The following OVOL2 variants were observed in gnomAD, a reference collection of about 807,000 sequenced individuals.
OVOL2 encodes the protein transcription factor Ovo-like 2.
OVOL2 carries 13 observed loss-of-function variants against 18.1 expected under a neutral mutation model. The observed-to-expected ratio is 0.72, with a 90% CI of 0.47 to 1.14. The LOEUF (loss-of-function observed/expected upper bound fraction) is 1.14. OVOL2 is among the 50% of genes most tolerant of loss of function. The pLI is 0.00. For missense variants in OVOL2, 335 were observed against 383.0 expected (o/e 0.87, Z 1.05); for synonymous variants, 166 against 162.7 (o/e 1.02, Z -0.16).
intron 2 of OVOL2, 70 bp from the exon 3 acceptor site, chr20:18,041,793 C>T: frequency 6.9e-7 from 1 of 1,440,302 alleles, no homozygotes; most frequent in Non-Finnish European, 9.5e-7. Flanking sequence ...CTCAAGAGAC[C>T]CACCTCCCTG....
chr20:18,056,511 G>A lies in OVOL2; in HGVS notation c.321+146C>T. 1.0e-6 allele frequency: 1 copy of A among 996,884 alleles called. No homozygotes were observed. The highest frequency in any genetic ancestry group is 1.2e-6 in the Non-Finnish European group (1 of 836,570). The allele number at this position is 996,884 out of a possible 1,614,324, so 61.8% of individuals were successfully genotyped here. A position where few individuals can be genotyped will look rare whatever the true frequency, so the allele number is the denominator to read the frequency against. On this transcript the variant is annotated intron_variant, in intron 2 of 3. Transcript: ENST00000278780. This position sits in a 1 kb window ranked among gnomAD's most constrained non-coding sequence, Gnocchi z 4.2. ...CGAGGCGCCCTGGCCGCCGCCCAGG[G>A]GCAGGTGCAGGAGCGGCGCGGCGGG... is the stretch of plus-strand genomic sequence containing the variant.
rs2036829848 is a variant in OVOL2, at chr20:18,056,705, A to C, written c.273T>G (p.Asp91Glu). ...TPEPGDAEGP[D>E]GHLATKQRPV... ...GGCGCTGCTTGGTCGCCAGGTGTCC[A>C]TCGGGGCCCTCGGCGTCGCCGGGCT... Residue 91 changes from aspartate to glutamate, a missense_variant, in exon 2 of 4, where the codon GAT becomes GAG. Transcript: ENST00000278780. This position sits in a 1 kb window ranked among gnomAD's most constrained non-coding sequence, Gnocchi z 4.2. 1 of 1,458,460 alleles carries C rather than the reference A, an allele frequency of 6.9e-7. No homozygotes were observed. The highest frequency in any genetic ancestry group is 9.0e-7 in the Non-Finnish European group (1 of 1,111,146). 90.3% of individuals were successfully genotyped at this position (1,458,460 alleles called of 1,614,324 possible). A position where few individuals can be genotyped will look rare whatever the true frequency, so the allele number is the denominator to read the frequency against.
At chr20:18,024,999 C>CTGGGT in intron 3 of OVOL2, 47 bp from the exon 4 acceptor site, 1 of 1,559,578 alleles carries the variant, frequency 6.4e-7, no homozygotes, top group Non-Finnish European at 8.7e-7. Context: ...CATGGCCAAG[C>CTGGGT]CAGAACCACC....
intron 3 of OVOL2, among the ~76,000 whole-genome samples, chr20:18,039,385 G>A (rs1316471761): frequency 6.6e-6 from 1 of 152,100 alleles, no homozygotes; most frequent in African/African-American, 2.4e-5. Context: ...ATTTTGGGAG[G>A]CCAAGGCGGG....
chr20:18,034,102 A>AGCAG (rs2036593865), intron 3 of OVOL2, among the ~76,000 whole-genome samples: 1 of 152,046 alleles, frequency 6.6e-6, no homozygotes, highest in African/African-American at 2.4e-5. Context: ...TCCCTCAATT[A>AGCAG]TATAGTGGCT....
upstream of OVOL2, among the ~76,000 whole-genome samples, chr20:18,058,412 C>CA (rs1379383849): frequency 7.0e-6 from 1 of 142,212 alleles, no homozygotes; most frequent in East Asian, 2.0e-4. Flanking sequence ...ACACCCCCCC[C>CA]CCATAAGCAG....
At chr20:18,036,368 C>A (rs2036614975) in intron 3 of OVOL2, among the ~76,000 whole-genome samples, 1 of 152,134 alleles carries the variant, frequency 6.6e-6, no homozygotes, top group South Asian at 2.1e-4. Context: ...CTTAGTGTCT[C>A]TTTTGCCTAT....
chr20:18,047,853 C>CAAAAAAAAAAAAAA (rs34668253), intron 2 of OVOL2, among the ~76,000 whole-genome samples: 11 of 47,148 alleles, frequency 2.3e-4, no homozygotes, highest in African/African-American at 6.9e-4. Flanking sequence ...GACTCCGTCT[C>CAAAAAAAAAAAAAA]AAAAAAAAAA....
At chr20:18,026,423 C>T (rs1277046767) in intron 3 of OVOL2, among the ~76,000 whole-genome samples, 1 of 150,122 alleles carries the variant, frequency 6.7e-6, no homozygotes, top group African/African-American at 2.5e-5. Flanking sequence ...GCTCTGTCAC[C>T]CAGGTTGGAG....
rs34668253 is a variant in OVOL2 at position 18,047,853 on chromosome 20, C to CAAAAAAA, written c.322-6137_322-6131dup. On this transcript the variant is annotated intron_variant, in intron 2 of 3. Coordinates refer to ENST00000278780, the MANE Select transcript of OVOL2 (RefSeq NM_021220.4). ...CAGGCGACAGAGTGAGACTCCGTCT[C>CAAAAAAA]AAAAAAAAAAAAAAAAAAAAAAAAG... Among the ~76,000 whole-genome samples the CAAAAAAA allele has an allele frequency of 5.9e-4, 28 of 47,100 alleles. 1 individual carries two copies. The highest frequency in any genetic ancestry group is 5.0e-3 in the East Asian group (6 of 1,202). The allele number at this position is 47,100 out of a possible 152,430, so 30.9% of individuals were successfully genotyped here. A position where few individuals can be genotyped will look rare whatever the true frequency, so the allele number is the denominator to read the frequency against.
intron 3 of OVOL2, among the ~76,000 whole-genome samples, chr20:18,036,912 G>A (rs1195530407): frequency 7.9e-5 from 12 of 152,142 alleles, no homozygotes; most frequent in East Asian, 1.9e-4. Flanking sequence ...CGAGGCGGGC[G>A]GATCACGAGG....
intron 3 of OVOL2, among the ~76,000 whole-genome samples, chr20:18,037,605 C>T (rs986169511): frequency 1.6e-4 from 25 of 152,332 alleles, no homozygotes; most frequent in Admixed American, 1.4e-3. Flanking sequence ...GTTCCTGCAT[C>T]TCTCTGCCTA....
Position 18,024,904 on chromosome 20 carries a change from C to T in OVOL2, c.560G>A (p.Arg187His), listed in dbSNP as rs776554623. 5 of 1,614,102 alleles carry T rather than the reference C, an allele frequency of 3.1e-6. No individual in the cohort carries two copies. Among genetic ancestry groups the T allele is most frequent in the South Asian group, 1.1e-5 (1 of 91,082 alleles). Residue 187 changes from arginine to histidine, a missense_variant, in exon 4 of 4, where the codon CGC becomes CAC. Physicochemically the swap from Arg to His is conservative, Grantham distance 29. Transcript: ENST00000278780. Reference sequence around the variant, plus strand: ...CTTCAGGTGGGACTCCAGAGAGCAGCGCTGGGTGAAGGCTTTATTGCAGAC... The same window carrying T: ...CTTCAGGTGGGACTCCAGAGAGCAGTGCTGGGTGAAGGCTTTATTGCAGAC... ...CNVCNKAFTQ[R>H]CSLESHLKKI...
intron 3 of OVOL2, among the ~76,000 whole-genome samples, chr20:18,028,125 C>T (rs2036536655): frequency 6.6e-6 from 1 of 152,070 alleles, no homozygotes; most frequent in South Asian, 2.1e-4. Context: ...GGACCCCAGG[C>T]ACTAGGTCAG....
At chr20:18,033,622 T>C (rs2036589831) in intron 3 of OVOL2, among the ~76,000 whole-genome samples, 1 of 152,242 alleles carries the variant, frequency 6.6e-6, no homozygotes, top group Non-Finnish European at 1.5e-5. Context: ...GGGACTTAAA[T>C]GATGGGCCTG....
chr20:18,028,301 C>A (rs988950191), intron 3 of OVOL2, among the ~76,000 whole-genome samples: 44 of 151,772 alleles, frequency 2.9e-4, no homozygotes, highest in African/African-American at 1.1e-3. Context: ...CTCAGCCTCC[C>A]AAGTAGCTGC....
chr20:18,053,662 C>T (rs2036789410), intron 2 of OVOL2, among the ~76,000 whole-genome samples: 1 of 148,088 alleles, frequency 6.8e-6, no homozygotes, highest in Admixed American at 6.8e-5. Context: ...GATTGCGCAA[C>T]TGTACTCCAG....
rs571140830 is a variant in OVOL2, at chr20:18,036,890, A to G, written c.511+4644T>C. ...GGTGGCTCACGCCTGTAATCCCAGC[A>G]CTTTGGGAGGCCGAGGCGGGCGGAT... On this transcript the variant is annotated intron_variant, in intron 3 of 3. Coordinates refer to ENST00000278780, the MANE Select transcript of OVOL2 (RefSeq NM_021220.4). 7.1e-3 allele frequency among the ~76,000 whole-genome samples: 1,075 copies of G among 152,224 alleles called. 14 individuals carry two copies. The highest frequency in any genetic ancestry group is 0.025 in the African/African-American group (1,028 of 41,530).
Position 18,056,665 on chromosome 20 carries a change from T to G in OVOL2, c.313A>C (p.Lys105Gln), listed in dbSNP as rs2036829077. 7.0e-7 allele frequency: 1 copy of G among 1,427,986 alleles called. No homozygotes were observed. 88.5% of individuals were successfully genotyped at this position (1,427,986 alleles called of 1,614,324 possible). A position where few individuals can be genotyped will look rare whatever the true frequency, so the allele number is the denominator to read the frequency against. The change falls in exon 2 of 4, where the codon AAA (lysine) becomes CAA (glutamine). Residue 105 changes from lysine to glutamine, a missense_variant. Transcript: ENST00000278780. This position sits in a 1 kb window ranked among gnomAD's most constrained non-coding sequence, Gnocchi z 4.2. ...CAGAGTCGACACAGTACCTTGATTT[T>G]CGATCTGGCGACCGGGCGCTGCTTG... ...ATKQRPVARS[K>Q]IKFTTGTCSD...
Sources: allele counts gnomAD v4.1 joint callset (sites outside exome capture counted in the v4.1 genomes callset), GRCh38; gene constraint gnomAD v4.1.1; non-coding constraint Gnocchi (gnomAD v3.1); transcripts MANE v1.5; gene names NCBI Gene and HGNC (gene_info 2026-07-23, HGNC 2026-07-21).